Variants in MTMR14 observed in about 807,000 individuals in gnomAD.
MTMR14 encodes myotubularin related protein 14, also known as phosphatidylinositol-3,5-bisphosphate 3-phosphatase MTMR14.
Under a neutral mutation model 86.3 loss-of-function variants are expected in MTMR14, and 48 were observed. That is an observed-to-expected ratio of 0.56 (90% CI 0.44 to 0.71). The LOEUF is 0.71. Among genes scored for constraint, MTMR14 ranks in the 30% least tolerant of loss-of-function variants. The pLI is 0.00. For missense variants in MTMR14, 780 were observed against 834.6 expected (o/e 0.93, Z 0.81); for synonymous variants, 366 against 326.1 (o/e 1.12, Z -1.32).
chr3:9,667,082 A>C (rs17050489), intron 3 of MTMR14, among the ~76,000 whole-genome samples: 2 of 152,236 alleles, frequency 1.3e-5, no homozygotes, highest in Non-Finnish European at 2.9e-5. Context: ...TGGAAGAATA[A>C]TTGGGAACAG....
At chr3:9,652,387 G>A (rs1025974562) in intron 1 of MTMR14, among the ~76,000 whole-genome samples, 7 of 152,176 alleles carry the variant, frequency 4.6e-5, no homozygotes, top group African/African-American at 1.7e-4. Flanking sequence ...CCAGCAAGTT[G>A]TGTATAAAGA....
At chr3:9,683,907 T>C (rs572550417) in intron 10 of MTMR14, among the ~76,000 whole-genome samples, 1 of 152,136 alleles carries the variant, frequency 6.6e-6, no homozygotes, top group East Asian at 1.9e-4. Context: ...CCATCTTAGC[T>C]CCCCCAGGGG....
intron 13 of MTMR14, among the ~76,000 whole-genome samples, chr3:9,685,703 G>A (rs1264028550): frequency 6.7e-6 from 1 of 149,880 alleles, no homozygotes; most frequent in Non-Finnish European, 1.5e-5. Flanking sequence ...CCTGATGGTT[G>A]CCTCCAGGTC....
chr3:9,675,720 T>C (rs2075548141), intron 7 of MTMR14: 1 of 456,794 alleles, frequency 2.2e-6, no homozygotes, highest in Non-Finnish European at 4.4e-6. Flanking sequence ...TTTAATTCTG[T>C]TTCTCACAAA....
At chr3:9,697,579 A>G in intron 17 of MTMR14, 132 bp from the exon 18 acceptor site, 1 of 1,004,468 alleles carries the variant, frequency 1.0e-6, no homozygotes, top group Non-Finnish European at 1.4e-6. Context: ...TTTTTTTTTT[A>G]GACTTTTGGA....
At position 9,701,380 on chromosome 3, in the gene MTMR14, C is replaced by T; in HGVS notation, c.1770-410C>T. The T allele has an allele frequency of 3.5e-6, 1 of 283,716 alleles. No individual in the cohort carries two copies. The highest frequency in any genetic ancestry group is 6.9e-6 in the Non-Finnish European group (1 of 145,474). The allele number at this position is 283,716 out of a possible 1,614,324, so 17.6% of individuals were successfully genotyped here. A position where few individuals can be genotyped will look rare whatever the true frequency, so the allele number is the denominator to read the frequency against. On this transcript the variant is annotated intron_variant, in intron 18 of 18. Transcript: ENST00000296003. This position sits in a 1 kb window ranked among gnomAD's most constrained non-coding sequence, Gnocchi z 4.2. ...AGGAGTTTGAGACCAGCCTGGGCAA[C>T]ATGGTAAAACCCTATCATGGTGGCA...
At chr3:9,674,518 T>G (rs1029879348) in intron 7 of MTMR14, among the ~76,000 whole-genome samples, 1 of 152,246 alleles carries the variant, frequency 6.6e-6, no homozygotes, top group Non-Finnish European at 1.5e-5. Flanking sequence ...CTGGGCATGG[T>G]GGCTCACGCC....
intron 13 of MTMR14, among the ~76,000 whole-genome samples, chr3:9,686,620 G>C (rs2075966086): frequency 6.6e-6 from 1 of 152,238 alleles, no homozygotes; most frequent in South Asian, 2.1e-4. Context: ...GCATATTAAA[G>C]ACTACAAAGT....
chr3:9,659,918 C>G, intron 2 of MTMR14: 1 of 441,956 alleles, frequency 2.3e-6, no homozygotes, highest in South Asian at 1.6e-5. Context: ...GAGAAATCCA[C>G]CTTGGTTTTG....
intron 18 of MTMR14, chr3:9,699,597 G>A (rs898934567): frequency 5.3e-5 from 8 of 152,184 alleles, no homozygotes; most frequent in African/African-American, 1.9e-4. Context: ...TGCCTTTTCT[G>A]AGCCTGTTAG....
chr3:9,665,762 G>A (rs1408323103), intron 3 of MTMR14, among the ~76,000 whole-genome samples: 1 of 141,870 alleles, frequency 7.0e-6, no homozygotes, highest in Admixed American at 7.4e-5. Flanking sequence ...ACAGAGTCTC[G>A]CTGTCGCCCA....
Position 9,677,841 on chromosome 3 carries a change from C to A in MTMR14, c.823-143C>A. The A allele has an allele frequency of 1.5e-6, 1 of 669,974 alleles. No individual in the cohort carries two copies. The highest frequency in any genetic ancestry group is 1.9e-5 in the South Asian group (1 of 53,666). The allele number at this position is 669,974 out of a possible 1,614,324, so 41.5% of individuals were successfully genotyped here. On this transcript the variant is annotated intron_variant, in intron 8 of 18. Transcript: ENST00000296003. The surrounding 1 kb of genome is among the most constrained non-coding windows in gnomAD (Gnocchi z 4.2). The stretch of plus-strand genomic sequence containing the variant: ...CTGGTCACATTGATTTTTAAGCTGT[C>A]ACTCCCAGGTAGCACAGGTATCTGG...
At chr3:9,691,227 T>C (rs1278511679) in intron 17 of MTMR14, among the ~76,000 whole-genome samples, 1 of 152,148 alleles carries the variant, frequency 6.6e-6, no homozygotes, top group Non-Finnish European at 1.5e-5. Context: ...ACTGCCTGAG[T>C]GCTGGAGCTG....
In MTMR14 at chr3:9,671,055, G is replaced by A. The variant is rs1204948752; in HGVS notation, c.562G>A (p.Asp188Asn). ...TEEDCALRSG[D>N]THLFDKVRGY... ...TCTGGCTCTTTATTTCAGAAGTGGT[G>A]ACACGCATCTTTTTGATAAGGTCAG... Residue 188 changes from aspartate (D) to asparagine (N), a missense_variant, in exon 6 of 19, where the codon GAC becomes AAC. Physicochemically the swap from Asp to Asn is conservative, Grantham distance 23. Transcript: ENST00000296003. 3 of 1,614,144 alleles carry A rather than the reference G, an allele frequency of 1.9e-6. No homozygotes were observed. Among genetic ancestry groups the A allele is most frequent in the Non-Finnish European group, 1.7e-6 (2 of 1,180,024 alleles).
chr3:9,685,104 A>T, intron 12 of MTMR14, 107 bp from the exon 13 acceptor site: 3 of 1,537,636 alleles, frequency 2.0e-6, no homozygotes, highest in Non-Finnish European at 2.7e-6. Context: ...ATCAGGCCCC[A>T]CCTGCCACGC....
In MTMR14 at chr3:9,695,400, T is replaced by A. The variant is rs187090057; in HGVS notation, c.1614-2311T>A. On this transcript the variant is annotated intron_variant, in intron 17 of 18. Coordinates refer to ENST00000296003, the MANE Select transcript of MTMR14 (RefSeq NM_001077525.3). The stretch of plus-strand genomic sequence containing the variant: ...TGCTCACTCTTGAAAAATCCCAGAG[T>A]CTGCAGAAGATGGCTGCTTGCTGAG... Among the ~76,000 whole-genome samples, 9 of 152,176 alleles carry A rather than the reference T, an allele frequency of 5.9e-5. No individual in the cohort carries two copies. In the East Asian group the frequency reaches 1.7e-3, roughly 29 times the overall value.
At chr3:9,675,773 C>T (rs933115650) in intron 7 of MTMR14, 13 of 448,304 alleles carry the variant, frequency 2.9e-5, no homozygotes, top group African/African-American at 2.6e-4. Context: ...CAGCCTGAGG[C>T]CTGCAGTGTT....
chr3:9,696,673 C>T (rs182596151), intron 17 of MTMR14, among the ~76,000 whole-genome samples: 3 of 152,296 alleles, frequency 2.0e-5, no homozygotes, highest in Admixed American at 1.3e-4. Flanking sequence ...GGTGACCAGT[C>T]GGGCTGTCAC....
chr3:9,650,338 G>A (rs757933945), intron 1 of MTMR14: 4 of 456,466 alleles, frequency 8.8e-6, no homozygotes, highest in South Asian at 4.6e-5. Flanking sequence ...TCGTCTTATC[G>A]CCAGACCTGG....
Sources: gnomAD v4.1 joint callset for allele counts (sites outside exome capture counted in the v4.1 genomes callset) on GRCh38, gnomAD v4.1.1 for gene constraint, Gnocchi (gnomAD v3.1) non-coding constraint, MANE v1.5 for transcripts, NCBI Gene and HGNC (gene_info 2026-07-23, HGNC 2026-07-21) for gene names.